ARFGEF3: variants seen among roughly 807,000 people sequenced by gnomAD.
ARFGEF3 encodes the protein brefeldin A-inhibited guanine nucleotide-exchange protein 3.
ARFGEF3 carries 96 observed loss-of-function variants against 221.7 expected under a neutral mutation model. The observed-to-expected ratio is 0.43, with a 90% CI of 0.37 to 0.51. The LOEUF (loss-of-function observed/expected upper bound fraction) is 0.51, where lower values mean the gene tolerates loss of function less well. Among genes scored for constraint, ARFGEF3 ranks in the 20% least tolerant of loss-of-function variants. ARFGEF3 has a pLI of 0.00. For synonymous variants in ARFGEF3, 1,145 were observed against 1,126.8 expected (o/e 1.02, Z -0.32); for missense variants, 2,410 against 2,789.9 (o/e 0.86, Z 3.07).
intron 12 of ARFGEF3, among the ~76,000 whole-genome samples, chr6:138,269,730 C>A (rs1241098095): frequency 1.3e-5 from 2 of 152,072 alleles, no homozygotes; most frequent in Admixed American, 1.3e-4. Context: ...TCGCTTGAAC[C>A]CAGGAGGCGG....
intron 10 of ARFGEF3, among the ~76,000 whole-genome samples, chr6:138,260,687 G>A (rs1401469087): frequency 6.6e-6 from 1 of 152,104 alleles, no homozygotes; most frequent in East Asian, 1.9e-4. Flanking sequence ...AAGTAATTAT[G>A]ACAAGGAAAT....
intron 1 of ARFGEF3, among the ~76,000 whole-genome samples, chr6:138,168,038 T>G (rs1157226972): frequency 2.0e-5 from 3 of 152,182 alleles, no homozygotes; most frequent in Non-Finnish European, 4.4e-5. Context: ...GTTACTCAGC[T>G]ACACTGTGCT....
chr6:138,313,851 T>G lies in ARFGEF3; in HGVS notation c.4257T>G (p.Leu1419=). ...PLKPIFLSGR[L]AGLPRRLQEQ... ...AGCCAATATTCCTTAGTGGGAGACT[T>G]GCCGGCTTGCCTCGAAGACTTCAGG... The change falls in exon 26 of 34, where the codon CTT becomes CTG. Residue 1419 remains leucine (L), a synonymous_variant. Transcript: ENST00000251691. The G allele has an allele frequency of 6.2e-7, 1 of 1,613,998 alleles. No individual in the cohort carries two copies.
chr6:138,238,437 T>A, intron 5 of ARFGEF3, 72 bp from the exon 6 acceptor site: 1 of 1,517,268 alleles, frequency 6.6e-7, no homozygotes, highest in Non-Finnish European at 9.0e-7. Context: ...TCCTCTCTGG[T>A]CAATCCCAAA....
In ARFGEF3 at chr6:138,162,200, C is replaced by A. The variant is rs773028552; in HGVS notation, c.85+29C>A. On this transcript the variant is annotated intron_variant, in intron 1 of 33. Coordinates refer to ENST00000251691, the MANE Select transcript of ARFGEF3 (RefSeq NM_020340.5). The surrounding 1 kb of genome is among the most constrained non-coding windows in gnomAD (Gnocchi z 4.7). Reference sequence around the variant, plus strand: ...AGCGTCCGGCACCTGCTCGCCGCGGCGGGAGGGCCGCGCGGCCGGGGCTGA... The same window carrying A: ...AGCGTCCGGCACCTGCTCGCCGCGGAGGGAGGGCCGCGCGGCCGGGGCTGA... The A allele has an allele frequency of 1.3e-6, 2 of 1,556,912 alleles. No individual in the cohort carries two copies. Among genetic ancestry groups the A allele is most frequent in the Non-Finnish European group, 1.8e-6 (2 of 1,141,748 alleles).
In ARFGEF3 at chr6:138,340,448, T is replaced by C. The variant is rs1362115955; in HGVS notation, c.*3962T>C. On this transcript the variant is annotated 3_prime_UTR_variant, in exon 34 of 34. Coordinates refer to ENST00000251691, the MANE Select transcript of ARFGEF3 (RefSeq NM_020340.5). Reference sequence around the variant, plus strand: ...CTTGACTTTGCCAGATTCATCACAATACTGCTTATACAGGAAAGTTTTCTC... The same window carrying C: ...CTTGACTTTGCCAGATTCATCACAACACTGCTTATACAGGAAAGTTTTCTC... 1 of 152,206 alleles carries C rather than the reference T, an allele frequency of 6.6e-6. No homozygotes were observed. Among genetic ancestry groups the C allele is most frequent in the Non-Finnish European group, 1.5e-5 (1 of 68,040 alleles). The allele number at this position is 152,206 out of a possible 1,614,324, so 9.4% of individuals were successfully genotyped here. A position where few individuals can be genotyped will look rare whatever the true frequency, so the allele number is the denominator to read the frequency against.
intron 2 of ARFGEF3, among the ~76,000 whole-genome samples, chr6:138,193,721 T>G (rs1777355692): frequency 6.6e-6 from 1 of 152,204 alleles, no homozygotes; most frequent in African/African-American, 2.4e-5. Flanking sequence ...TTACTTTAGT[T>G]GACCATTTTG....
chr6:138,174,210 G>A (rs1776893173), intron 2 of ARFGEF3, among the ~76,000 whole-genome samples: 1 of 151,994 alleles, frequency 6.6e-6, no homozygotes, highest in African/African-American at 2.4e-5. Context: ...ACTTCTCAAA[G>A]CCTCTTCTAA....
chr6:138,168,527 A>G (rs977024010), intron 1 of ARFGEF3, among the ~76,000 whole-genome samples: 19 of 152,188 alleles, frequency 1.2e-4, no homozygotes, highest in African/African-American at 4.6e-4. Flanking sequence ...GGGTCTTGAC[A>G]GGGTCTCTCA....
At chr6:138,237,079 TA>T (rs894094620) in intron 5 of ARFGEF3, among the ~76,000 whole-genome samples, 55 of 151,804 alleles carry the variant, frequency 3.6e-4, no homozygotes, top group African/African-American at 1.1e-3. Flanking sequence ...AAATTAAACT[TA>T]AAAAAAATTA....
intron 4 of ARFGEF3, chr6:138,218,317 G>T: frequency 1.9e-6 from 3 of 1,567,624 alleles, no homozygotes. Context: ...CTTAATCTGT[G>T]CCTCAATTTT....
intron 12 of ARFGEF3, among the ~76,000 whole-genome samples, chr6:138,267,426 GA>G (rs975678962): frequency 7.3e-5 from 11 of 151,186 alleles, no homozygotes; most frequent in African/African-American, 2.2e-4. Context: ...CCGCCTCAAA[GA>G]AAAAAAAATT....
intron 2 of ARFGEF3, among the ~76,000 whole-genome samples, chr6:138,202,707 A>T (rs928548099): frequency 6.6e-5 from 10 of 151,126 alleles, no homozygotes; most frequent in African/African-American, 2.4e-4. Context: ...CCCTGTTTTT[A>T]AGCATTTCAT....
At chr6:138,313,677 T>G in intron 25 of ARFGEF3, 118 bp from the exon 26 acceptor site, 1 of 808,640 alleles carries the variant, frequency 1.2e-6, no homozygotes, top group African/African-American at 1.7e-5. Context: ...AATCAAATTT[T>G]CAATGTCTAG....
chr6:138,269,329 A>G (rs1458415154), intron 12 of ARFGEF3, among the ~76,000 whole-genome samples: 1 of 152,256 alleles, frequency 6.6e-6, no homozygotes, highest in Non-Finnish European at 1.5e-5. Context: ...GAAGGCATTT[A>G]TGCCGTTACC....
At chr6:138,324,226 G>T in intron 31 of ARFGEF3, 72 bp downstream of exon 31, 1 of 1,535,748 alleles carries the variant, frequency 6.5e-7, no homozygotes, top group Non-Finnish European at 8.8e-7. Context: ...TTCCTTGAAG[G>T]TCTCGCATCA....
intron 12 of ARFGEF3, among the ~76,000 whole-genome samples, chr6:138,270,960 C>G (rs1162273905): frequency 1.3e-5 from 2 of 152,092 alleles, no homozygotes; most frequent in African/African-American, 4.8e-5. Flanking sequence ...AAGAGGAAGC[C>G]ACAGACTCCA....
intron 29 of ARFGEF3, among the ~76,000 whole-genome samples, chr6:138,322,114 C>T (rs1440749490): frequency 6.6e-6 from 1 of 152,114 alleles, no homozygotes; most frequent in Non-Finnish European, 1.5e-5. Flanking sequence ...ATGGCCCTCC[C>T]TAATGTGGGT....
chr6:138,268,967 T>G (rs1778945422), intron 12 of ARFGEF3, among the ~76,000 whole-genome samples: 1 of 152,228 alleles, frequency 6.6e-6, no homozygotes, highest in African/African-American at 2.4e-5. Flanking sequence ...GGGAGAACAC[T>G]TGGTCTCTGC....
Sources: allele counts gnomAD v4.1 joint callset (sites outside exome capture counted in the v4.1 genomes callset), GRCh38; gene constraint gnomAD v4.1.1; non-coding constraint Gnocchi (gnomAD v3.1); transcripts MANE v1.5; gene names NCBI Gene and HGNC (gene_info 2026-07-23, HGNC 2026-07-21).